Variants in CLMN observed in about 807,000 individuals in gnomAD.
CLMN encodes calmin (calponin-like, transmembrane).
In CLMN, 57 loss-of-function variants were observed where a neutral mutation model predicts 92.7. The observed-to-expected ratio is 0.61, with a 90% CI of 0.50 to 0.77. CLMN has a LOEUF of 0.77. Among genes scored for constraint, CLMN ranks in the 30% least tolerant of loss-of-function variants. CLMN has a pLI of 0.00. For synonymous variants in CLMN, 466 were observed against 470.6 expected, an observed-to-expected ratio of 0.99 and a Z score of 0.13; for missense variants, 1,158 against 1,237.5, an observed-to-expected ratio of 0.94 and a Z score of 0.96.
intron 1 of CLMN, 81 bp downstream of exon 1, chr14:95,319,630 G>A: frequency 8.7e-7 from 1 of 1,153,220 alleles, no homozygotes; most frequent in East Asian, 2.9e-5. Context: ...GGGGCGGCGC[G>A]GGGGAGTTGC....
chr14:95,230,016 G>A (rs1897832592), intron 2 of CLMN, 56 bp downstream of exon 2: 6 of 1,538,636 alleles, frequency 3.9e-6, no homozygotes, highest in South Asian at 2.2e-5. Flanking sequence ...CTCTGGAACT[G>A]TAAATTCAGT....
chr14:95,275,825 G>C (rs547172956), intron 1 of CLMN, among the ~76,000 whole-genome samples: 1 of 152,226 alleles, frequency 6.6e-6, no homozygotes, highest in East Asian at 1.9e-4. Context: ...ACCATGCCTG[G>C]CTAATTTTTG....
At chr14:95,278,934 T>C (rs544068688) in intron 1 of CLMN, among the ~76,000 whole-genome samples, 5 of 152,330 alleles carry the variant, frequency 3.3e-5, no homozygotes, top group African/African-American at 1.2e-4. Context: ...AAAAACTGCA[T>C]GCTTTCCTGG....
chr14:95,238,915 C>T (rs191382300), intron 1 of CLMN, among the ~76,000 whole-genome samples: 1 of 152,312 alleles, frequency 6.6e-6, no homozygotes, highest in East Asian at 1.9e-4. Flanking sequence ...AAGAGCTAGT[C>T]CCAATTACAC....
chr14:95,197,664 T>C (rs1171823908), intron 9 of CLMN, among the ~76,000 whole-genome samples: 1 of 152,142 alleles, frequency 6.6e-6, no homozygotes, highest in Non-Finnish European at 1.5e-5. Flanking sequence ...GTAATGAAGA[T>C]TCTTTGACCT....
intron 1 of CLMN, among the ~76,000 whole-genome samples, chr14:95,311,752 C>T (rs12432456): frequency 0.34 from 52,214 of 151,930 alleles, 10,777 homozygotes; most frequent in East Asian, 0.88. Context: ...ACCCCATGGC[C>T]CCCCACCACA....
At chr14:95,316,138 C>T (rs561925905) in intron 1 of CLMN, among the ~76,000 whole-genome samples, 1 of 152,368 alleles carries the variant, frequency 6.6e-6, no homozygotes, top group Admixed American at 6.5e-5. Flanking sequence ...AGGTACGGAA[C>T]TAAGGCGCAG....
In CLMN at chr14:95,210,671, G is replaced by C; in HGVS notation, c.802+15C>G. 2 of 1,597,028 alleles carry C rather than the reference G, an allele frequency of 1.3e-6. No homozygotes were observed. The highest frequency in any genetic ancestry group is 1.7e-6 in the Non-Finnish European group (2 of 1,175,036). On this transcript the variant is annotated intron_variant, in intron 7 of 12. Coordinates refer to ENST00000298912, the MANE Select transcript of CLMN (RefSeq NM_024734.4). ...AAAAAAAAATTATTAGAAAGAAAGAGAGAACCACTGCTACCTTCTGGCTCC... is the reference window on the plus strand; with the variant it reads ...AAAAAAAAATTATTAGAAAGAAAGACAGAACCACTGCTACCTTCTGGCTCC...
Position 95,223,980 on chromosome 14 carries a change from A to G in CLMN, c.145-125T>C, listed in dbSNP as rs573168713. ...CATCCAGCTCTGTTTACAGGTAGAAAAGCCCATCCAAGGAGGTAGCAGGCC... is the reference window on the plus strand; with the variant it reads ...CATCCAGCTCTGTTTACAGGTAGAAGAGCCCATCCAAGGAGGTAGCAGGCC... On this transcript the variant is annotated intron_variant, in intron 2 of 12. Transcript: ENST00000298912. 1.5e-5 allele frequency: 10 copies of G among 664,142 alleles called. No individual in the cohort carries two copies. In the African/African-American group the frequency reaches 1.6e-4, roughly 11 times the overall value. 41.1% of individuals were successfully genotyped at this position (664,142 alleles called of 1,614,324 possible).
chr14:95,230,153 A>G lies in CLMN; in HGVS notation c.83-20T>C. 2 of 1,608,668 alleles carry G rather than the reference A, an allele frequency of 1.2e-6. No individual in the cohort carries two copies. The highest frequency in any genetic ancestry group is 1.7e-6 in the Non-Finnish European group (2 of 1,175,046). ...TCTCAACTGAAAACAAAGACATACC[A>G]TCAGCTGGGAGAATAAGAAGTATGT... On this transcript the variant is annotated intron_variant, in intron 1 of 12. Coordinates refer to ENST00000298912, the MANE Select transcript of CLMN (RefSeq NM_024734.4).
intron 1 of CLMN, among the ~76,000 whole-genome samples, chr14:95,288,575 A>C (rs1900434235): frequency 6.6e-6 from 1 of 152,206 alleles, no homozygotes; most frequent in Admixed American, 6.5e-5. Flanking sequence ...CACAAAACAC[A>C]TCAAGAAGTT....
intron 1 of CLMN, 28 bp downstream of exon 1, chr14:95,319,683 A>C: frequency 1.3e-6 from 2 of 1,577,488 alleles, no homozygotes; most frequent in South Asian, 1.1e-5. Flanking sequence ...GCGCCCAGCC[A>C]TCCCGGGGCG....
intron 9 of CLMN, among the ~76,000 whole-genome samples, chr14:95,201,633 T>C (rs149414639): frequency 1.4e-4 from 21 of 151,562 alleles, no homozygotes; most frequent in African/African-American, 4.6e-4. Flanking sequence ...GTTTGTTACA[T>C]AGAAATACAA....
rs1220946259 is a variant in CLMN at position 95,184,200 on chromosome 14, T to C, written c.*7364A>G. 2.0e-5 allele frequency: 3 copies of C among 152,248 alleles called. No homozygotes were observed. Among genetic ancestry groups the C allele is most frequent in the Non-Finnish European group, 4.4e-5 (3 of 68,048 alleles). 9.4% of individuals were successfully genotyped at this position (152,248 alleles called of 1,614,324 possible). A position where few individuals can be genotyped will look rare whatever the true frequency, so the allele number is the denominator to read the frequency against. On this transcript the variant is annotated 3_prime_UTR_variant, in exon 13 of 13. Transcript: ENST00000298912. ...ATGCACAGAAGCTCAGAAGTTAGTT[T>C]GCCAAGATCACCCAGAGATCTGGTG...
intron 1 of CLMN, among the ~76,000 whole-genome samples, chr14:95,305,437 G>A (rs1595117535): frequency 6.6e-6 from 1 of 152,208 alleles, no homozygotes; most frequent in African/African-American, 2.4e-5. Flanking sequence ...TGAAGAATAA[G>A]AGAGAGTTCT....
At chr14:95,262,691 C>T (rs1441903900) in intron 1 of CLMN, among the ~76,000 whole-genome samples, 1 of 152,240 alleles carries the variant, frequency 6.6e-6, no homozygotes, top group Non-Finnish European at 1.5e-5. Context: ...CTCAGCCTTC[C>T]GAGTAGCTGG....
intron 2 of CLMN, among the ~76,000 whole-genome samples, chr14:95,226,817 T>C (rs1293649673): frequency 2.0e-5 from 3 of 152,214 alleles, no homozygotes; most frequent in Non-Finnish European, 4.4e-5. Context: ...GCTCATGCGA[T>C]ATCCTCCTGC....
In CLMN at chr14:95,213,359, C is replaced by T; in HGVS notation, c.468G>A (p.Leu156=). ...NLSRNSPSSS[L]SPGSGGTDSD... is the part of the protein sequence containing the mutation. ...AGTCTGTGCCCCCTGAGCCAGGGGA[C>T]AAGCTGGAAGATGGAGAGTTTCTGC... Residue 156 remains leucine, a synonymous_variant, in exon 6 of 13, where the codon TTG becomes TTA. Coordinates refer to ENST00000298912, the MANE Select transcript of CLMN (RefSeq NM_024734.4). The T allele has an allele frequency of 6.2e-7, 1 of 1,612,854 alleles. No individual in the cohort carries two copies. Among genetic ancestry groups the T allele is most frequent in the Non-Finnish European group, 8.5e-7 (1 of 1,179,588 alleles).
chr14:95,277,890 G>A (rs1899994958), intron 1 of CLMN, among the ~76,000 whole-genome samples: 1 of 152,246 alleles, frequency 6.6e-6, no homozygotes, highest in South Asian at 2.1e-4. Context: ...GCCTCCCAAA[G>A]TGTTGGGATT....
Sources: allele counts gnomAD v4.1 joint callset (sites outside exome capture counted in the v4.1 genomes callset), GRCh38; gene constraint gnomAD v4.1.1; transcripts MANE v1.5; gene names NCBI Gene and HGNC (gene_info 2026-07-23, HGNC 2026-07-21).